Variants in INPP5D observed in about 807,000 individuals in gnomAD.
INPP5D encodes the protein phosphatidylinositol 3,4,5-trisphosphate 5-phosphatase 1.
INPP5D carries 33 observed loss-of-function variants against 122.9 expected under a neutral mutation model. That is an observed-to-expected ratio of 0.27 (90% confidence interval 0.20 to 0.36). The LOEUF is 0.36. Among genes scored for constraint, INPP5D ranks in the 10% least tolerant of loss-of-function variants. INPP5D has a pLI of 1.00. For synonymous variants in INPP5D, 584 were observed against 576.2 expected, an observed-to-expected ratio of 1.01 and a Z score of -0.19; for missense variants, 1,053 against 1,412.7, an observed-to-expected ratio of 0.75 and a Z score of 4.08.
chr2:233,178,775 C>T (rs750882227), intron 18 of INPP5D, among the ~76,000 whole-genome samples: 13 of 152,158 alleles, frequency 8.5e-5, no homozygotes, highest in Non-Finnish European at 1.3e-4. Flanking sequence ...TGAGTCACTG[C>T]GCCAGGCCCA....
intron 6 of INPP5D, among the ~76,000 whole-genome samples, chr2:233,144,317 A>G (rs924706988): frequency 3.6e-5 from 5 of 139,322 alleles, no homozygotes; most frequent in African/African-American, 1.1e-4. Context: ...GGAGGTCGTC[A>G]TGATTATGGT....
intron 2 of INPP5D, among the ~76,000 whole-genome samples, chr2:233,107,792 T>A (rs1692506576): frequency 6.6e-6 from 1 of 152,070 alleles, no homozygotes. Flanking sequence ...ATGTCCCTGC[T>A]GGCCCCAGCT....
chr2:233,116,002 A>G, intron 2 of INPP5D, among the ~76,000 whole-genome samples: 1 of 152,162 alleles, frequency 6.6e-6, no homozygotes, highest in East Asian at 1.9e-4. Context: ...TCCTGCTGGA[A>G]GTCACCCAGA....
intron 1 of INPP5D, among the ~76,000 whole-genome samples, chr2:233,077,849 G>A (rs1277913431): frequency 8.3e-6 from 1 of 120,826 alleles, no homozygotes. Flanking sequence ...GACAGAGTGA[G>A]ACTCCGTCTC....
At chr2:233,083,539 T>C (rs1360486939) in intron 2 of INPP5D, among the ~76,000 whole-genome samples, 1 of 152,196 alleles carries the variant, frequency 6.6e-6, no homozygotes, top group Non-Finnish European at 1.5e-5. Flanking sequence ...CCCGCAGGCC[T>C]GACTGTCCCA....
At chr2:233,107,270 G>A (rs1262836955) in intron 2 of INPP5D, among the ~76,000 whole-genome samples, 1 of 152,192 alleles carries the variant, frequency 6.6e-6, no homozygotes, top group Non-Finnish European at 1.5e-5. Context: ...GCTGTGGAGT[G>A]TAAATTACAC....
At chr2:233,205,761 T>C (rs1279691495) in intron 26 of INPP5D, 1 of 152,054 alleles carries the variant, frequency 6.6e-6, no homozygotes, top group African/African-American at 2.4e-5. Context: ...AAAAAATTTT[T>C]TGAGCAAAAC....
At chr2:233,086,399 G>A (rs1488113301) in intron 2 of INPP5D, among the ~76,000 whole-genome samples, 4 of 151,942 alleles carry the variant, frequency 2.6e-5, no homozygotes, top group African/African-American at 4.8e-5. Context: ...GGCTGGTCTC[G>A]AACTCCTGAC....
In INPP5D at chr2:233,204,684, G is replaced by T; in HGVS notation, c.3534G>T (p.Gly1178=). ...ACGGCAAGCACCGGCCGGAGGAGGG[G>T]CCACCAGGGCCTCTAGGCAGGACTG... ...PHHGKHRPEE[G]PPGPLGRTAM... Residue 1178 remains glycine, a synonymous_variant, in exon 26 of 27, where the codon GGG becomes GGT. Coordinates refer to ENST00000445964, the MANE Select transcript of INPP5D (RefSeq NM_001017915.3). 6.4e-7 allele frequency: 1 copy of T among 1,559,520 alleles called. No individual in the cohort carries two copies.
At chr2:233,068,137 T>C (rs910988246) in intron 1 of INPP5D, among the ~76,000 whole-genome samples, 1 of 152,024 alleles carries the variant, frequency 6.6e-6, no homozygotes, top group African/African-American at 2.4e-5. Flanking sequence ...AATACAAAAT[T>C]AGCCTGCGAT....
At chr2:233,123,341 C>A (rs549403135) in intron 3 of INPP5D, among the ~76,000 whole-genome samples, 50 of 151,978 alleles carry the variant, frequency 3.3e-4, no homozygotes, top group Non-Finnish European at 5.0e-4. Context: ...GTAGTTCCAG[C>A]TACTTGGGAG....
At chr2:233,158,885 C>A (rs954991091) in intron 10 of INPP5D, among the ~76,000 whole-genome samples, 1 of 152,076 alleles carries the variant, frequency 6.6e-6, no homozygotes, top group African/African-American at 2.4e-5. Flanking sequence ...CTCAAGGGAT[C>A]CCCCCACCCA....
At chr2:233,139,466 C>CTGTGTGTG (rs1191977468) in intron 5 of INPP5D, among the ~76,000 whole-genome samples, 3,823 of 147,506 alleles carry the variant, frequency 0.026, 78 homozygotes, top group East Asian at 0.093. Flanking sequence ...TTGTTAACAC[C>CTGTGTGTG]TGTGTGTGTG....
At chr2:233,195,934 G>A (rs2106324615) in intron 24 of INPP5D, among the ~76,000 whole-genome samples, 1 of 152,264 alleles carries the variant, frequency 6.6e-6, no homozygotes, top group African/African-American at 2.4e-5. Flanking sequence ...TTTCACCACT[G>A]TACTCCAGCC....
At chr2:233,154,764 C>T (rs1291455435) in intron 9 of INPP5D, among the ~76,000 whole-genome samples, 1 of 152,200 alleles carries the variant, frequency 6.6e-6, no homozygotes, top group Non-Finnish European at 1.5e-5. Context: ...TTGTCTTCTG[C>T]TAAATCACGG....
chr2:233,067,653 CA>C (rs1232897943), intron 1 of INPP5D, among the ~76,000 whole-genome samples: 4 of 152,212 alleles, frequency 2.6e-5, no homozygotes, highest in African/African-American at 9.6e-5. Flanking sequence ...TTCCTACTAG[CA>C]ACATCTGAGG....
Position 233,164,114 on chromosome 2 carries a change from G to A in INPP5D, c.1438-193G>A, listed in dbSNP as rs1252947465. On this transcript the variant is annotated intron_variant, in intron 12 of 26. Coordinates refer to ENST00000445964, the MANE Select transcript of INPP5D (RefSeq NM_001017915.3). The surrounding 1 kb of genome is among the most constrained non-coding windows in gnomAD (Gnocchi z 4.3). ...CTGAGTCCTCTATCTTCCCACCCTT[G>A]GTCAGCCCCGGTTCTCATCTTTAGG... Among the ~76,000 whole-genome samples, 2 of 152,080 alleles carry A rather than the reference G, an allele frequency of 1.3e-5. No homozygotes were observed. Among genetic ancestry groups the A allele is most frequent in the African/African-American group, 2.4e-5 (1 of 41,406 alleles).
At chr2:233,162,034 T>C (rs146190387) in intron 11 of INPP5D, among the ~76,000 whole-genome samples, 1 of 152,332 alleles carries the variant, frequency 6.6e-6, no homozygotes, top group East Asian at 1.9e-4. Flanking sequence ...AAAACGAGCT[T>C]TGGGACTATC....
In INPP5D at chr2:233,189,668, C is replaced by T. The variant is rs908395487; in HGVS notation, c.2359-182C>T. Among the ~76,000 whole-genome samples, 3 of 152,242 alleles carry T rather than the reference C, an allele frequency of 2.0e-5. No individual in the cohort carries two copies. The highest frequency in any genetic ancestry group is 1.3e-4 in the Admixed American group (2 of 15,298). ...GGGGACAGGGAAGGAAGCTAACCCC[C>T]ACCTTGCTGGACAGGGTGTATGTGA... On this transcript the variant is annotated intron_variant, in intron 21 of 26. Transcript: ENST00000445964. The surrounding 1 kb of genome is among the most constrained non-coding windows in gnomAD (Gnocchi z 5.6).
Sources: gnomAD v4.1 joint callset for allele counts (sites outside exome capture counted in the v4.1 genomes callset) on GRCh38, gnomAD v4.1.1 for gene constraint, Gnocchi (gnomAD v3.1) non-coding constraint, MANE v1.5 for transcripts, NCBI Gene and HGNC (gene_info 2026-07-23, HGNC 2026-07-21) for gene names.